The following SKAP1 variants were observed in gnomAD, a reference collection of about 807,000 sequenced individuals.
The protein encoded by SKAP1 is src kinase associated phosphoprotein 1.
A neutral mutation model predicts 58.5 loss-of-function variants in SKAP1; 44 were observed. The ratio of observed to expected loss-of-function variants is 0.75; its 90% CI spans 0.59 to 0.97. The LOEUF (loss-of-function observed/expected upper bound fraction) is 0.97. Ranked by LOEUF, SKAP1 falls within the 50% of genes least tolerant of loss-of-function variation. The pLI is 0.00. For missense variants in SKAP1, 390 were observed against 435.2 expected, an observed-to-expected ratio of 0.90 and a Z score of 0.92; for synonymous variants, 127 against 149.7, an observed-to-expected ratio of 0.85 and a Z score of 1.11.
intron 4 of SKAP1, among the ~76,000 whole-genome samples, chr17:48,270,125 C>A (rs2065608747): frequency 6.6e-6 from 1 of 151,988 alleles, no homozygotes; most frequent in Non-Finnish European, 1.5e-5. Flanking sequence ...AAAAAGAAAA[C>A]AACTTTATTA....
chr17:48,140,373 C>T (rs2063753924), intron 11 of SKAP1, among the ~76,000 whole-genome samples: 1 of 152,162 alleles, frequency 6.6e-6, no homozygotes, highest in Non-Finnish European at 1.5e-5. Context: ...TTCTCATTCT[C>T]CTTTGCAGGC....
chr17:48,312,477 G>T (rs1275009035), intron 4 of SKAP1, among the ~76,000 whole-genome samples: 1 of 152,102 alleles, frequency 6.6e-6, no homozygotes, highest in Non-Finnish European at 1.5e-5. Context: ...CCTCAGCAAG[G>T]GTTTCTATAA....
chr17:48,295,103 G>C (rs2065949321), intron 4 of SKAP1, among the ~76,000 whole-genome samples: 1 of 152,152 alleles, frequency 6.6e-6, no homozygotes, highest in Admixed American at 6.6e-5. Context: ...GTCTAAAACA[G>C]AGAATGAAAC....
chr17:48,357,070 T>C (rs1160588293), intron 3 of SKAP1, among the ~76,000 whole-genome samples: 1 of 152,216 alleles, frequency 6.6e-6, no homozygotes, highest in Non-Finnish European at 1.5e-5. Flanking sequence ...TTTATTTAAC[T>C]AGTCCCCAAT....
intron 4 of SKAP1, among the ~76,000 whole-genome samples, chr17:48,264,800 C>A (rs2065525449): frequency 6.7e-6 from 1 of 149,358 alleles, no homozygotes; most frequent in Admixed American, 6.7e-5. Flanking sequence ...TCTCCATTTT[C>A]TTGTGGTTGT....
chr17:48,340,451 A>G (rs8074443), intron 4 of SKAP1, among the ~76,000 whole-genome samples: 50,674 of 151,900 alleles, frequency 0.33, 9,150 homozygotes, highest in African/African-American at 0.47. Flanking sequence ...CTAGGAATAT[A>G]AAAGATTTAA....
intron 4 of SKAP1, chr17:48,295,736 C>T (rs1015478018): frequency 1.3e-5 from 2 of 149,994 alleles, no homozygotes; most frequent in South Asian, 2.1e-4. Context: ...TCTTTTCATA[C>T]GTAATTCCTT....
At chr17:48,170,776 T>A in intron 9 of SKAP1, 117 bp from the exon 10 acceptor site, 2 of 869,638 alleles carry the variant, frequency 2.3e-6, no homozygotes, top group Non-Finnish European at 3.6e-6. Flanking sequence ...GTGGAACGAT[T>A]TTCGGTTCAC....
At chr17:48,160,422 C>T (rs968249294) in intron 11 of SKAP1, among the ~76,000 whole-genome samples, 3 of 152,074 alleles carry the variant, frequency 2.0e-5, no homozygotes, top group Admixed American at 2.0e-4. Flanking sequence ...CAGGCGTAAG[C>T]CACCATGCCT....
Position 48,187,878 on chromosome 17 carries a change from C to T in SKAP1, c.407G>A (p.Ser136Asn), listed in dbSNP as rs1333870902. The T allele has an allele frequency of 1.2e-6, 2 of 1,613,930 alleles. No homozygotes were observed. The highest frequency in any genetic ancestry group is 1.1e-5 in the South Asian group (1 of 91,076). The change falls in exon 6 of 13, where the codon AGC (serine) becomes AAC (asparagine). Residue 136 changes from serine to asparagine, a missense_variant. Ser to Asn is a conservative substitution (Grantham distance 46, BLOSUM62 1). Coordinates refer to ENST00000336915, the MANE Select transcript of SKAP1 (RefSeq NM_003726.4). ...SEWQKRWCVV[S>N]RGLFYYYANE... Reference sequence around the variant, plus strand: ...AGCATAGTAGTAGAAGAGACCTCTGCTGACAACACACCATCGCTTCTGCCA... The same window carrying T: ...AGCATAGTAGTAGAAGAGACCTCTGTTGACAACACACCATCGCTTCTGCCA...
In SKAP1 at chr17:48,135,288, T is replaced by C. The variant is rs574744125; in HGVS notation, c.*8-1472A>G. 1.4e-4 allele frequency among the ~76,000 whole-genome samples: 22 copies of C among 152,316 alleles called. No individual in the cohort carries two copies. The South Asian group carries it at 1.5e-3, about 10-fold the overall frequency. On this transcript the variant is annotated intron_variant, in intron 12 of 12. Transcript: ENST00000336915. Reference sequence around the variant, plus strand: ...ATTCTTTACCCCCAGCAGTGAAGACTGCTCCTATTTCAGGCCAGAAGATGG... The same window carrying C: ...ATTCTTTACCCCCAGCAGTGAAGACCGCTCCTATTTCAGGCCAGAAGATGG...
intron 4 of SKAP1, among the ~76,000 whole-genome samples, chr17:48,251,019 C>T (rs1327200345): frequency 6.6e-6 from 1 of 152,186 alleles, no homozygotes; most frequent in Admixed American, 6.5e-5. Context: ...AAAATGAGAG[C>T]TTTGAGTTCT....
chr17:48,218,367 C>G (rs2064964607), intron 4 of SKAP1, among the ~76,000 whole-genome samples: 1 of 152,196 alleles, frequency 6.6e-6, no homozygotes, highest in Admixed American at 6.5e-5. Flanking sequence ...TTTACAACCT[C>G]TCTTTGCCTG....
intron 4 of SKAP1, among the ~76,000 whole-genome samples, chr17:48,260,407 T>C (rs940004072): frequency 1.4e-4 from 22 of 152,172 alleles, no homozygotes; most frequent in African/African-American, 4.8e-4. Context: ...TGTAGACATA[T>C]TTAAAGTGTG....
At chr17:48,271,362 CTTTTTTT>C (rs35447830) in intron 4 of SKAP1, among the ~76,000 whole-genome samples, 13 of 106,294 alleles carry the variant, frequency 1.2e-4, no homozygotes, top group African/African-American at 2.1e-4. Flanking sequence ...TTCTTTGTTT[CTTTTTTT>C]TTTTTTTTTT....
chr17:48,185,632 T>G (rs2064439384), intron 6 of SKAP1, among the ~76,000 whole-genome samples: 2 of 152,138 alleles, frequency 1.3e-5, no homozygotes, highest in African/African-American at 4.8e-5. Context: ...TGCTTTGAGC[T>G]CTATATCATG....
At chr17:48,242,731 T>C (rs1381529384) in intron 4 of SKAP1, among the ~76,000 whole-genome samples, 1 of 152,182 alleles carries the variant, frequency 6.6e-6, no homozygotes, top group African/African-American at 2.4e-5. Flanking sequence ...TTTGAACCTT[T>C]GTTAATAGGA....
intron 3 of SKAP1, among the ~76,000 whole-genome samples, chr17:48,360,617 A>C (rs1297801595): frequency 6.6e-6 from 1 of 152,188 alleles, no homozygotes; most frequent in African/African-American, 2.4e-5. Flanking sequence ...AAGTAAAAAT[A>C]AAAAGCCTCT....
chr17:48,441,748 A>G, the SKAP1 span, among the ~76,000 whole-genome samples: 6 of 152,190 alleles, frequency 3.9e-5, no homozygotes, highest in Admixed American at 3.9e-4. Context: ...AGGAACCCCA[A>G]GAGAACATCT....
Sources: gnomAD v4.1 joint callset for allele counts (sites outside exome capture counted in the v4.1 genomes callset) on GRCh38, gnomAD v4.1.1 for gene constraint, MANE v1.5 for transcripts, NCBI Gene and HGNC (gene_info 2026-07-23, HGNC 2026-07-21) for gene names.